Variants in ZNF790 observed in about 807,000 individuals in gnomAD.
ZNF790 encodes zinc finger protein 790.
In ZNF790, 8 loss-of-function variants were observed where a neutral mutation model predicts 12.1. The observed-to-expected ratio is 0.66, with a 90% CI of 0.39 to 1.19. The LOEUF (loss-of-function observed/expected upper bound fraction) is 1.19. Among genes scored for constraint, ZNF790 ranks in the 50% most tolerant of loss-of-function variants. ZNF790 has a pLI of 0.01. For synonymous variants in ZNF790, 252 were observed against 244.3 expected (o/e 1.03, Z -0.29); for missense variants, 707 against 752.2 (o/e 0.94, Z 0.70).
upstream of ZNF790, among the ~76,000 whole-genome samples, chr19:36,839,560 T>C (rs546865296): frequency 9.3e-4 from 142 of 152,082 alleles, no homozygotes; most frequent in African/African-American, 3.3e-3. Flanking sequence ...GCCATCACAC[T>C]CAGCTAATTT....
rs1169999725 is a variant in ZNF790 at position 36,819,749 on chromosome 19, C to T, written c.595G>A (p.Gly199Arg). The change falls in exon 5 of 5, where the codon GGA becomes AGA. Residue 199 changes from glycine to arginine, a missense_variant. Gly to Arg is a moderately radical substitution (Grantham distance 125). Transcript: ENST00000356725. ...AAGGTATTCCCACATTCTTTATCTC[C>T]ACAGAATTTCTCACTTGTGTGAATT... ...QLIHTSEKFC[G>R]DKECGNTFLP... 12 of 1,613,492 alleles carry T rather than the reference C, an allele frequency of 7.4e-6. No homozygotes were observed. Among genetic ancestry groups the T allele is most frequent in the Non-Finnish European group, 1.0e-5 (12 of 1,179,780 alleles).
intron 1 of ZNF790, among the ~76,000 whole-genome samples, chr19:36,828,292 C>T (rs1220905126): frequency 2.0e-5 from 3 of 151,970 alleles, no homozygotes; most frequent in Non-Finnish European, 2.9e-5. Flanking sequence ...GGACAAACCT[C>T]GTCTTAATTA....
rs891015775 is a variant in ZNF790, at chr19:36,832,140, G to A, written c.-74+6197C>T. Among the ~76,000 whole-genome samples the A allele has an allele frequency of 3.9e-5, 6 of 152,128 alleles. 1 individual carries two copies. In the South Asian group the frequency reaches 1.2e-3, roughly 32 times the overall value. On this transcript the variant is annotated intron_variant, in intron 1 of 4. Coordinates refer to ENST00000356725, the MANE Select transcript of ZNF790 (RefSeq NM_206894.4). ...AACTTAGGAAATACTGTTGACATGC[G>A]CTGTTTCAGAAGAAGCTACTAGAAG...
chr19:36,834,124 TCCCAGCTA>T, intron 1 of ZNF790, among the ~76,000 whole-genome samples: 1 of 151,060 alleles, frequency 6.6e-6, no homozygotes, highest in Non-Finnish European at 1.5e-5. Context: ...ATGCCTGTAA[TCCCAGCTA>T]CTCAGGAGGC....
upstream of ZNF790, among the ~76,000 whole-genome samples, chr19:36,839,580 C>G (rs2072110862): frequency 6.6e-6 from 1 of 151,940 alleles, no homozygotes; most frequent in Admixed American, 6.6e-5. Flanking sequence ...TTTATAGAGA[C>G]AGGGTCTCGC....
At chr19:36,838,634 C>G (rs1313205394), upstream of ZNF790, among the ~76,000 whole-genome samples, 1 of 152,206 alleles carries the variant, frequency 6.6e-6, no homozygotes, top group Non-Finnish European at 1.5e-5. This position sits in a 1 kb window ranked among gnomAD's most constrained non-coding sequence, Gnocchi z 4.4. Context: ...GCAGGCTGCC[C>G]TACCTCTGCA....
chr19:36,842,801 C>T (rs1268845498), upstream of ZNF790, among the ~76,000 whole-genome samples: 1 of 151,340 alleles, frequency 6.6e-6, no homozygotes, highest in East Asian at 1.9e-4. Context: ...GTCAGGAGTT[C>T]GAGAGCAGCC....
intron 2 of ZNF790, among the ~76,000 whole-genome samples, chr19:36,824,035 C>T (rs966947587): frequency 6.6e-5 from 9 of 135,670 alleles, no homozygotes; most frequent in South Asian, 4.6e-4. Flanking sequence ...CTCGCTCTGT[C>T]GCCCAGGCTG....
chr19:36,841,715 C>T (rs1219733714), upstream of ZNF790, among the ~76,000 whole-genome samples: 1 of 151,598 alleles, frequency 6.6e-6, no homozygotes, highest in Non-Finnish European at 1.5e-5. Flanking sequence ...AATCCCATCT[C>T]TACTAAAAAA....
At chr19:36,841,377 T>G (rs2072127885), upstream of ZNF790, among the ~76,000 whole-genome samples, 1 of 152,078 alleles carries the variant, frequency 6.6e-6, no homozygotes, top group Non-Finnish European at 1.5e-5. Flanking sequence ...CCCAGCACTG[T>G]GGGAGGCCAA....
At chr19:36,845,047 CAAAA>C (rs10611049) in intron 1 of ZNF790, among the ~76,000 whole-genome samples, 4 of 34,918 alleles carry the variant, frequency 1.1e-4, no homozygotes, top group East Asian at 3.2e-3. Flanking sequence ...GACTCCGTCT[CAAAA>C]AAAAAAAAAA....
chr19:36,841,639 T>A (rs920039328), upstream of ZNF790, among the ~76,000 whole-genome samples: 2 of 150,322 alleles, frequency 1.3e-5, no homozygotes, highest in African/African-American at 4.9e-5. Context: ...ATATATATAT[T>A]TTTAGGCCAA....
chr19:36,849,083 G>A (rs769477126), intron 1 of ZNF790, among the ~76,000 whole-genome samples: 3 of 151,790 alleles, frequency 2.0e-5, no homozygotes, highest in South Asian at 2.1e-4. Context: ...GTGAGCCACC[G>A]CACTCATGCT....
upstream of ZNF790, among the ~76,000 whole-genome samples, chr19:36,842,866 G>A (rs943168118): frequency 2.8e-4 from 42 of 151,892 alleles, 1 homozygote; most frequent in Admixed American, 6.6e-5. Flanking sequence ...TTAGCTGGGC[G>A]TAGTGGCGGA....
intron 1 of ZNF790, among the ~76,000 whole-genome samples, chr19:36,849,030 T>C (rs2072211708): frequency 6.6e-6 from 1 of 152,146 alleles, no homozygotes; most frequent in Non-Finnish European, 1.5e-5. Flanking sequence ...TGGGCTCAAG[T>C]GATCCACCCA....
chr19:36,822,520 T>TTTTGTTTG (rs139757499), intron 4 of ZNF790, among the ~76,000 whole-genome samples: 1 of 151,390 alleles, frequency 6.6e-6, no homozygotes, highest in African/African-American at 2.4e-5. Context: ...TTAAAGTGTT[T>TTTTGTTTG]TTTGTTTGTT....
Position 36,819,785 on chromosome 19 carries a change from G to T in ZNF790, c.559C>A (p.Gln187Lys). 6.2e-7 allele frequency: 1 copy of T among 1,612,860 alleles called. No individual in the cohort carries two copies. The highest frequency in any genetic ancestry group is 8.5e-7 in the Non-Finnish European group (1 of 1,179,436). Reference sequence around the variant, plus strand: ...TCACTTGTGTGAATTAACTGATGTTGAGTATGATCTGAACCAGAAATAAAG... The same window carrying T: ...TCACTTGTGTGAATTAACTGATGTTTAGTATGATCTGAACCAGAAATAAAG... Reference protein sequence around the residue: ...KAFISGSDHTQHQLIHTSEKF... With the variant: ...KAFISGSDHTKHQLIHTSEKF... The change falls in exon 5 of 5, where the codon CAA becomes AAA. Residue 187 changes from glutamine to lysine, a missense_variant. Gln to Lys is a moderately conservative substitution (Grantham distance 53, BLOSUM62 1). Transcript: ENST00000356725.
chr19:36,823,582 A>G, intron 3 of ZNF790, 85 bp downstream of exon 3: 1 of 1,540,086 alleles, frequency 6.5e-7, no homozygotes, highest in Non-Finnish European at 8.8e-7. Context: ...AACAAAGGTC[A>G]GAAGTTACCC....
intron 1 of ZNF790, among the ~76,000 whole-genome samples, chr19:36,836,476 C>T (rs993778922): frequency 4.0e-5 from 6 of 151,854 alleles, no homozygotes; most frequent in South Asian, 2.1e-4. Flanking sequence ...ACACACACAC[C>T]GGCTGGGCGC....
Sources: gnomAD v4.1 joint callset for allele counts (sites outside exome capture counted in the v4.1 genomes callset) on GRCh38, gnomAD v4.1.1 for gene constraint, Gnocchi (gnomAD v3.1) non-coding constraint, MANE v1.5 for transcripts, NCBI Gene and HGNC (gene_info 2026-07-23, HGNC 2026-07-21) for gene names.